EPHB1: variants seen among roughly 807,000 people sequenced by gnomAD.
EPHB1 encodes ephrin type-B receptor 1.
EPHB1 carries 30 observed loss-of-function variants against 94.4 expected under a neutral mutation model. The ratio of observed to expected loss-of-function variants is 0.32; its 90% CI spans 0.24 to 0.43. EPHB1 has a LOEUF of 0.43. Ranked by LOEUF, EPHB1 falls within the 20% of genes least tolerant of loss-of-function variation. The pLI, the probability that EPHB1 is intolerant of heterozygous loss-of-function variation, is 1.00. For synonymous variants in EPHB1, 522 were observed against 489.1 expected (o/e 1.07, Z -0.89); for missense variants, 1,055 against 1,308.3 (o/e 0.81, Z 2.99).
intron 2 of EPHB1, among the ~76,000 whole-genome samples, chr3:134,941,743 A>G (rs933381586): frequency 3.7e-5 from 5 of 135,318 alleles, no homozygotes; most frequent in African/African-American, 8.6e-5. Context: ...TGCTTTACAT[A>G]TGCACACAGA....
chr3:134,862,337 C>T (rs1419114551), intron 1 of EPHB1, among the ~76,000 whole-genome samples: 1 of 151,926 alleles, frequency 6.6e-6, no homozygotes, highest in African/African-American at 2.4e-5. Context: ...TAGCGTACTC[C>T]ATGGGTGCAT....
chr3:134,815,092 G>A (rs1338063007), intron 1 of EPHB1, among the ~76,000 whole-genome samples: 1 of 152,196 alleles, frequency 6.6e-6, no homozygotes, highest in African/African-American at 2.4e-5. Context: ...TTCATGACAA[G>A]TTAATGTAAC....
intron 1 of EPHB1, among the ~76,000 whole-genome samples, chr3:134,830,996 A>T (rs1452642930): frequency 6.6e-6 from 1 of 152,198 alleles, no homozygotes; most frequent in Non-Finnish European, 1.5e-5. Flanking sequence ...TCCATTCTTG[A>T]AATGGACAAT....
chr3:135,176,510 G>A (rs1015266667), intron 9 of EPHB1, among the ~76,000 whole-genome samples: 1 of 152,174 alleles, frequency 6.6e-6, no homozygotes, highest in African/African-American at 2.4e-5. Context: ...CAGCAGCTGT[G>A]ACATCACATA....
chr3:135,059,681 G>A (rs1347733688), intron 3 of EPHB1, among the ~76,000 whole-genome samples: 13 of 152,220 alleles, frequency 8.5e-5, no homozygotes, highest in Admixed American at 3.9e-4. Context: ...TTTGATGCAG[G>A]TGGTGATTAT....
At chr3:134,989,104 T>C (rs1418715410) in intron 3 of EPHB1, among the ~76,000 whole-genome samples, 1 of 152,204 alleles carries the variant, frequency 6.6e-6, no homozygotes, top group Non-Finnish European at 1.5e-5. Flanking sequence ...TAAAGATTCC[T>C]GCAAGTGTTT....
intron 3 of EPHB1, among the ~76,000 whole-genome samples, chr3:135,071,133 A>T (rs1937693562): frequency 6.6e-6 from 1 of 152,098 alleles, no homozygotes; most frequent in Non-Finnish European, 1.5e-5. Context: ...ATCTGATTTC[A>T]CTCTGCTATG....
rs369208033 is a variant in EPHB1, at chr3:135,197,524, A to G, written c.2131-3950A>G. ...TAGATGAGCTTGAAAGGTCCCTTTC[A>G]GTTAGAAAAAATCTATGATTCATTT... On this transcript the variant is annotated intron_variant, in intron 11 of 15. Coordinates refer to ENST00000398015, the MANE Select transcript of EPHB1 (RefSeq NM_004441.5). 5.9e-5 allele frequency among the ~76,000 whole-genome samples: 9 copies of G among 152,254 alleles called. No individual in the cohort carries two copies. The East Asian group carries it at 1.3e-3, about 23-fold the overall frequency.
intron 1 of EPHB1, among the ~76,000 whole-genome samples, chr3:134,896,383 A>G (rs2038088087): frequency 6.6e-6 from 1 of 152,226 alleles, no homozygotes; most frequent in South Asian, 2.1e-4. Context: ...AAGGGGGACA[A>G]TCACAGAACC....
chr3:135,172,999 G>A (rs1941848798), intron 9 of EPHB1, among the ~76,000 whole-genome samples: 1 of 151,892 alleles, frequency 6.6e-6, no homozygotes, highest in Admixed American at 6.5e-5. Context: ...TACCCACAAA[G>A]CAGAGAGATG....
At chr3:135,001,427 C>G (rs755280823) in intron 3 of EPHB1, among the ~76,000 whole-genome samples, 2 of 152,206 alleles carry the variant, frequency 1.3e-5, no homozygotes, top group African/African-American at 4.8e-5. Context: ...TCTATAGCCT[C>G]ATGGCTGTCA....
intron 1 of EPHB1, among the ~76,000 whole-genome samples, chr3:134,907,530 A>G (rs36217): frequency 0.64 from 97,934 of 152,028 alleles, 33,977 homozygotes; most frequent in African/African-American, 0.91. Context: ...TTTGACCCAC[A>G]GGCACTAAGG....
intron 11 of EPHB1, 29 bp downstream of exon 11, chr3:135,192,852 CA>C (rs1409095932): frequency 6.2e-7 from 1 of 1,603,798 alleles, no homozygotes; most frequent in East Asian, 2.2e-5. Context: ...TTTGATGATG[CA>C]CTTGGATGCA....
In EPHB1 at chr3:134,795,494, C is replaced by T. The variant is rs578158812; in HGVS notation, c.-138C>T. ...TCCTGCCCACGCCCACGCAGCGCTC[C>T]GGGAAGTCCGGTCCGGGCGAGAGCG... On this transcript the variant is annotated 5_prime_UTR_variant, in exon 1 of 16. Transcript: ENST00000398015. 6.2e-6 allele frequency: 5 copies of T among 804,410 alleles called. No homozygotes were observed. The highest frequency in any genetic ancestry group is 5.5e-5 in the African/African-American group (3 of 54,648). The allele number at this position is 804,410 out of a possible 1,614,324, so 49.8% of individuals were successfully genotyped here. A position where few individuals can be genotyped will look rare whatever the true frequency, so the allele number is the denominator to read the frequency against.
intron 4 of EPHB1, among the ~76,000 whole-genome samples, chr3:135,111,972 C>A (rs1021121001): frequency 1.3e-5 from 2 of 152,236 alleles, no homozygotes; most frequent in East Asian, 1.9e-4. Context: ...GCCACCGCGC[C>A]CAGCCCATTT....
In EPHB1 at chr3:134,951,150, G is replaced by A. The variant is rs1228017509; in HGVS notation, c.124-221G>A. Among the ~76,000 whole-genome samples, 1 of 152,128 alleles carries A rather than the reference G, an allele frequency of 6.6e-6. No individual in the cohort carries two copies. Among genetic ancestry groups the A allele is most frequent in the Non-Finnish European group, 1.5e-5 (1 of 68,024 alleles). On this transcript the variant is annotated intron_variant, in intron 2 of 15. Transcript: ENST00000398015. This position sits in a 1 kb window ranked among gnomAD's most constrained non-coding sequence, Gnocchi z 4.5. ...GGGACAGCTTTCTTGAATGAAGTGTGTTATATTTTGGGATGGGCTGCAAAA... is the reference window on the plus strand; with the variant it reads ...GGGACAGCTTTCTTGAATGAAGTGTATTATATTTTGGGATGGGCTGCAAAA...
At chr3:135,038,748 T>TA (rs1936729982) in intron 3 of EPHB1, among the ~76,000 whole-genome samples, 1 of 152,036 alleles carries the variant, frequency 6.6e-6, no homozygotes, top group Non-Finnish European at 1.5e-5. Context: ...CGGTGAGTGT[T>TA]ACAGCTCATA....
At chr3:134,942,754 T>A (rs2039145069) in intron 2 of EPHB1, among the ~76,000 whole-genome samples, 1 of 152,200 alleles carries the variant, frequency 6.6e-6, no homozygotes, top group African/African-American at 2.4e-5. Flanking sequence ...TGGTCCCAGA[T>A]GTTACTGAAT....
At chr3:135,031,532 A>C (rs1172789535) in intron 3 of EPHB1, among the ~76,000 whole-genome samples, 1 of 151,392 alleles carries the variant, frequency 6.6e-6, no homozygotes, top group African/African-American at 2.4e-5. Flanking sequence ...CTGGTCTTGA[A>C]CTCCTGGGCT....
Sources: allele counts gnomAD v4.1 joint callset (sites outside exome capture counted in the v4.1 genomes callset), GRCh38; gene constraint gnomAD v4.1.1; non-coding constraint Gnocchi (gnomAD v3.1); transcripts MANE v1.5; gene names NCBI Gene and HGNC (gene_info 2026-07-23, HGNC 2026-07-21).